The following L3MBTL4 variants were observed in gnomAD, a reference collection of about 807,000 sequenced individuals.
L3MBTL4 encodes the protein L3MBTL histone methyl-lysine binding protein 4.
A neutral mutation model predicts 84.5 loss-of-function variants in L3MBTL4; 70 were observed. That is an observed-to-expected ratio of 0.83 (90% CI 0.68 to 1.01). L3MBTL4 has a LOEUF of 1.01. Among genes scored for constraint, L3MBTL4 ranks in the 50% least tolerant of loss-of-function variants. The pLI is 0.00. For synonymous variants in L3MBTL4, 274 were observed against 259.8 expected (o/e 1.05, Z -0.52); for missense variants, 715 against 754.8 (o/e 0.95, Z 0.62).
intron 1 of L3MBTL4, among the ~76,000 whole-genome samples, chr18:6,353,551 C>T (rs979827187): frequency 1.1e-4 from 17 of 152,122 alleles, no homozygotes; most frequent in African/African-American, 7.2e-5. Context: ...AACCTAAAGA[C>T]TCCACAAAAA....
At chr18:6,033,678 T>C (rs772475691) in intron 16 of L3MBTL4, among the ~76,000 whole-genome samples, 1 of 152,188 alleles carries the variant, frequency 6.6e-6, no homozygotes, top group Non-Finnish European at 1.5e-5. Context: ...TAATGAAATG[T>C]TGCAAAAAAT....
At chr18:6,266,637 A>G (rs2048645691) in intron 4 of L3MBTL4, among the ~76,000 whole-genome samples, 2 of 152,206 alleles carry the variant, frequency 1.3e-5, no homozygotes, top group South Asian at 4.1e-4. Context: ...TCGTTAAAAA[A>G]TTTCTGGCCA....
chr18:6,402,813 A>G (rs2055566467), intron 1 of L3MBTL4, among the ~76,000 whole-genome samples: 1 of 152,248 alleles, frequency 6.6e-6, no homozygotes, highest in Non-Finnish European at 1.5e-5. Context: ...AGGTTAGTTT[A>G]TATAAAATAA....
chr18:6,072,280 C>T (rs563775863), intron 16 of L3MBTL4, among the ~76,000 whole-genome samples: 52 of 152,154 alleles, frequency 3.4e-4, no homozygotes, highest in African/African-American at 1.2e-3. Context: ...TAATAAAGAT[C>T]TAACGGTATG....
chr18:6,255,517 G>T (rs1307236331), intron 5 of L3MBTL4, among the ~76,000 whole-genome samples: 1 of 152,160 alleles, frequency 6.6e-6, no homozygotes, highest in Non-Finnish European at 1.5e-5. Context: ...CGGGAAATGA[G>T]CATGAATGGG....
chr18:6,337,118 G>A (rs971096172), intron 1 of L3MBTL4, among the ~76,000 whole-genome samples: 14 of 151,874 alleles, frequency 9.2e-5, no homozygotes, highest in Non-Finnish European at 1.5e-5. Flanking sequence ...GAATAAAAAG[G>A]AAAGAAAAGG....
intron 1 of L3MBTL4, among the ~76,000 whole-genome samples, chr18:6,341,119 G>C (rs1421910656): frequency 2.0e-5 from 3 of 152,080 alleles, no homozygotes; most frequent in African/African-American, 7.2e-5. Context: ...CAAGCTCACT[G>C]GTGAAGGTCT....
intron 14 of L3MBTL4, among the ~76,000 whole-genome samples, chr18:6,117,386 G>A (rs907025667): frequency 6.6e-6 from 1 of 152,168 alleles, no homozygotes; most frequent in East Asian, 1.9e-4. Context: ...CTACAAAATA[G>A]CTACTGTAAG....
chr18:6,204,774 T>C (rs910260777), intron 12 of L3MBTL4, among the ~76,000 whole-genome samples: 2 of 152,212 alleles, frequency 1.3e-5, no homozygotes, highest in African/African-American at 2.4e-5. Flanking sequence ...GTTTGTGCCC[T>C]GCACTATTAC....
intron 13 of L3MBTL4, among the ~76,000 whole-genome samples, chr18:6,159,374 T>C (rs537063154): frequency 6.6e-6 from 1 of 152,334 alleles, no homozygotes; most frequent in East Asian, 1.9e-4. Flanking sequence ...ACTCTGGCTC[T>C]AACAAGCTGT....
chr18:6,345,413 C>CA lies in L3MBTL4; in HGVS notation c.-90-33358dup, dbSNP rs1230716885. 7.9e-4 allele frequency among the ~76,000 whole-genome samples: 119 copies of CA among 149,690 alleles called. 1 individual carries two copies. The highest frequency in any genetic ancestry group is 2.8e-3 in the African/African-American group (113 of 41,024). On this transcript the variant is annotated intron_variant, in intron 1 of 18. Transcript: ENST00000317931. Reference sequence around the variant, plus strand: ...TCCGTCTCAAAAACAAACAAACAAACAAACAAACAAAAAAAACCATAAAGA... The same window carrying CA: ...TCCGTCTCAAAAACAAACAAACAAACAAAACAAACAAAAAAAACCATAAAGA...
intron 16 of L3MBTL4, among the ~76,000 whole-genome samples, chr18:6,033,270 T>C (rs1186563398): frequency 6.6e-6 from 1 of 152,232 alleles, no homozygotes; most frequent in Non-Finnish European, 1.5e-5. Flanking sequence ...TATTTTCTTC[T>C]GGTATTAGCA....
At chr18:6,187,669 G>A (rs904161461) in intron 12 of L3MBTL4, among the ~76,000 whole-genome samples, 3 of 152,104 alleles carry the variant, frequency 2.0e-5, no homozygotes, top group Non-Finnish European at 4.4e-5. Flanking sequence ...CAGCCAGAAC[G>A]AGGTGTTCTG....
At chr18:6,168,782 C>T (rs2145156517) in intron 13 of L3MBTL4, among the ~76,000 whole-genome samples, 1 of 152,270 alleles carries the variant, frequency 6.6e-6, no homozygotes, top group Middle Eastern at 3.4e-3. Context: ...GACTTCATGT[C>T]TAAAACACCA....
At chr18:5,998,906 C>T (rs1461910404) in intron 16 of L3MBTL4, among the ~76,000 whole-genome samples, 2 of 152,174 alleles carry the variant, frequency 1.3e-5, no homozygotes, top group Non-Finnish European at 1.5e-5. Flanking sequence ...CTCCAACCTG[C>T]CCTCAGAATT....
At chr18:6,209,347 T>C (rs1239180614) in intron 12 of L3MBTL4, among the ~76,000 whole-genome samples, 2 of 151,302 alleles carry the variant, frequency 1.3e-5, no homozygotes, top group Non-Finnish European at 2.9e-5. Context: ...AGGTATTTCA[T>C]CCCAATTCTC....
chr18:6,238,179 C>G, intron 9 of L3MBTL4, 139 bp from the exon 10 acceptor site: 1 of 740,598 alleles, frequency 1.4e-6, no homozygotes, highest in Non-Finnish European at 2.4e-6. Context: ...AAGGAATTTT[C>G]AGTACTGCAT....
intron 1 of L3MBTL4, among the ~76,000 whole-genome samples, chr18:6,350,179 C>T (rs572067206): frequency 1.2e-4 from 19 of 152,236 alleles, no homozygotes; most frequent in Non-Finnish European, 2.5e-4. Flanking sequence ...AGTGAAAACC[C>T]TCACGGCATT....
At chr18:6,149,252 T>C (rs1227944353) in intron 13 of L3MBTL4, among the ~76,000 whole-genome samples, 2 of 136,844 alleles carry the variant, frequency 1.5e-5, no homozygotes, top group Non-Finnish European at 3.1e-5. Flanking sequence ...CCTGTGTCCA[T>C]GTGTTTTCAT....
Sources: gnomAD v4.1 joint callset for allele counts (sites outside exome capture counted in the v4.1 genomes callset) on GRCh38, gnomAD v4.1.1 for gene constraint, MANE v1.5 for transcripts, NCBI Gene and HGNC (gene_info 2026-07-23, HGNC 2026-07-21) for gene names.